Variants in DPP6 observed in about 807,000 individuals in gnomAD.
DPP6 encodes the protein A-type potassium channel modulatory protein DPP6.
DPP6 carries 69 observed loss-of-function variants against 122.6 expected under a neutral mutation model. The ratio of observed to expected loss-of-function variants is 0.56; its 90% CI spans 0.46 to 0.69. The LOEUF (loss-of-function observed/expected upper bound fraction) is 0.69, where lower values mean the gene tolerates loss of function less well. Ranked by LOEUF, DPP6 falls within the 30% of genes least tolerant of loss-of-function variation. DPP6 has a pLI of 0.00. For synonymous variants in DPP6, 418 were observed against 433.1 expected, an observed-to-expected ratio of 0.97 and a Z score of 0.43; for missense variants, 928 against 1,116.9, an observed-to-expected ratio of 0.83 and a Z score of 2.41.
chr7:154,799,880 C>G (rs1029909486), intron 12 of DPP6, among the ~76,000 whole-genome samples: 4 of 152,212 alleles, frequency 2.6e-5, no homozygotes, highest in African/African-American at 9.6e-5. Flanking sequence ...CATGAGAAAC[C>G]GGGTCTCAGA....
At chr7:153,823,641 G>A in the DPP6 span, among the ~76,000 whole-genome samples, 12 of 150,140 alleles carry the variant, frequency 8.0e-5, no homozygotes, top group Admixed American at 8.0e-4. Context: ...ATACTCCCCG[G>A]GGATCAGGGA....
chr7:154,765,617 A>G (rs996271077), intron 8 of DPP6, among the ~76,000 whole-genome samples: 1 of 152,206 alleles, frequency 6.6e-6, no homozygotes, highest in Non-Finnish European at 1.5e-5. Flanking sequence ...AATGAAAAAT[A>G]CCCAGCCCAG....
intron 1 of DPP6, among the ~76,000 whole-genome samples, chr7:154,301,835 C>T (rs1202383416): frequency 1.5e-5 from 2 of 137,922 alleles, no homozygotes; most frequent in South Asian, 2.4e-4. Context: ...AGCTCTCACC[C>T]GGGCTGTCAC....
chr7:153,989,724 T>C (rs1797058497), intron 1 of DPP6, among the ~76,000 whole-genome samples: 2 of 151,834 alleles, frequency 1.3e-5, no homozygotes, highest in African/African-American at 2.4e-5. Context: ...GGTGCAGAGG[T>C]AGGAGGATGT....
chr7:153,754,424 T>G, the DPP6 span, among the ~76,000 whole-genome samples: 1 of 152,138 alleles, frequency 6.6e-6, no homozygotes, highest in Non-Finnish European at 1.5e-5. Flanking sequence ...TGAAGTCATT[T>G]GATTCATAGT....
At chr7:154,834,243 G>A (rs2873201) in intron 16 of DPP6, among the ~76,000 whole-genome samples, 120,681 of 150,256 alleles carry the variant, frequency 0.8, 48,760 homozygotes, top group East Asian at 0.99. Flanking sequence ...CGAGGCAGGC[G>A]GATCCCCTTA....
At chr7:154,396,043 C>T (rs1357305250) in intron 1 of DPP6, among the ~76,000 whole-genome samples, 1 of 151,088 alleles carries the variant, frequency 6.6e-6, no homozygotes, top group East Asian at 1.9e-4. Context: ...TTTTAAAGTC[C>T]TTATGACTTC....
chr7:154,056,938 C>G (rs1800874316), intron 1 of DPP6, among the ~76,000 whole-genome samples: 1 of 152,176 alleles, frequency 6.6e-6, no homozygotes, highest in Non-Finnish European at 1.5e-5. Context: ...GAGAAAAAGT[C>G]TAAATCTTTC....
the DPP6 span, among the ~76,000 whole-genome samples, chr7:153,832,244 CA>C: frequency 6.6e-6 from 1 of 152,212 alleles, no homozygotes; most frequent in African/African-American, 2.4e-5. Context: ...CAACCACATA[CA>C]TGTTTAATCT....
chr7:154,794,456 C>G (rs1032440810), intron 11 of DPP6, among the ~76,000 whole-genome samples: 3 of 152,246 alleles, frequency 2.0e-5, no homozygotes, highest in Non-Finnish European at 4.4e-5. Flanking sequence ...GGCACCTGGA[C>G]GCCGTCCGCA....
rs1006284089 is a variant in DPP6, at chr7:154,821,697, C to T, written c.1666+14585C>T. 6.9e-6 allele frequency among the ~76,000 whole-genome samples: 1 copy of T among 144,070 alleles called. No individual in the cohort carries two copies. Among genetic ancestry groups the T allele is most frequent in the South Asian group, 2.2e-4 (1 of 4,534 alleles). 94.5% of individuals were successfully genotyped at this position (144,070 alleles called of 152,430 possible). A position where few individuals can be genotyped will look rare whatever the true frequency, so the allele number is the denominator to read the frequency against. The stretch of plus-strand genomic sequence containing the variant: ...ATATATACACACACATATATATATA[C>T]ACACACACATATATATATACAGAAA... On this transcript the variant is annotated intron_variant, in intron 16 of 25. Transcript: ENST00000377770. The surrounding 1 kb of genome is among the most constrained non-coding windows in gnomAD (Gnocchi z 4.2).
the DPP6 span, among the ~76,000 whole-genome samples, chr7:153,867,193 A>C: frequency 6.6e-6 from 1 of 152,188 alleles, no homozygotes; most frequent in Non-Finnish European, 1.5e-5. Context: ...GAAGAAAGTA[A>C]TTGGTAGCTT....
At chr7:154,807,321 G>A (rs563411280) in intron 16 of DPP6, among the ~76,000 whole-genome samples, 16 of 152,248 alleles carry the variant, frequency 1.1e-4, no homozygotes, top group South Asian at 2.1e-4. Flanking sequence ...GCTACTTTAC[G>A]TTTCATACAG....
At position 154,829,490 on chromosome 7, in the gene DPP6, A is replaced by AGGAG. The variant is rs796863977; in HGVS notation, c.1666+22382_1666+22385dup. Among the ~76,000 whole-genome samples the AGGAG allele has an allele frequency of 5.8e-4, 30 of 51,342 alleles. 1 individual carries two copies. Among genetic ancestry groups the AGGAG allele is most frequent in the African/African-American group, 1.8e-3 (29 of 16,262 alleles). 33.7% of individuals were successfully genotyped at this position (51,342 alleles called of 152,430 possible). ...GGAGGAGGGAGGGAAGAAGGACAGA[A>AGGAG]GGAGGGAAGGAAGGAAGGAAGGAAA... On this transcript the variant is annotated intron_variant, in intron 16 of 25. Coordinates refer to ENST00000377770, the MANE Select transcript of DPP6 (RefSeq NM_130797.4).
At chr7:154,087,893 C>T (rs1194339780) in intron 1 of DPP6, among the ~76,000 whole-genome samples, 1 of 152,180 alleles carries the variant, frequency 6.6e-6, no homozygotes, top group African/African-American at 2.4e-5. Flanking sequence ...AGAACAGGGG[C>T]CACCTTCTAC....
At chr7:154,823,923 G>A (rs1349260570) in intron 16 of DPP6, among the ~76,000 whole-genome samples, 1 of 152,232 alleles carries the variant, frequency 6.6e-6, no homozygotes, top group Non-Finnish European at 1.5e-5. Flanking sequence ...AATGCATGGA[G>A]AGATACTGAA....
intron 5 of DPP6, among the ~76,000 whole-genome samples, chr7:154,634,666 C>A (rs13239592): frequency 6.7e-6 from 1 of 150,114 alleles, no homozygotes; most frequent in Non-Finnish European, 1.5e-5. Flanking sequence ...CCTCTTCCTC[C>A]TCTTCCCCTT....
At chr7:154,649,090 A>ACTTTTGC (rs962823515) in intron 6 of DPP6, among the ~76,000 whole-genome samples, 1 of 151,812 alleles carries the variant, frequency 6.6e-6, no homozygotes. Flanking sequence ...TCTATCCCAC[A>ACTTTTGC]CTTTTGCCTT....
intron 7 of DPP6, among the ~76,000 whole-genome samples, chr7:154,691,872 AAAT>A (rs758665830): frequency 6.6e-6 from 1 of 152,152 alleles, no homozygotes; most frequent in Non-Finnish European, 1.5e-5. Flanking sequence ...AAAAGAAAGC[AAAT>A]AATAGTATCA....
Sources: gnomAD v4.1 joint callset for allele counts (sites outside exome capture counted in the v4.1 genomes callset) on GRCh38, gnomAD v4.1.1 for gene constraint, Gnocchi (gnomAD v3.1) non-coding constraint, MANE v1.5 for transcripts, NCBI Gene and HGNC (gene_info 2026-07-23, HGNC 2026-07-21) for gene names.